Variants in NIM1K observed in about 807,000 individuals in gnomAD.
NIM1K encodes the protein serine/threonine-protein kinase NIM1.
A neutral mutation model predicts 37.1 loss-of-function variants in NIM1K; 35 were observed. That is an observed-to-expected ratio of 0.94 (90% CI 0.72 to 1.25). The LOEUF (loss-of-function observed/expected upper bound fraction) is 1.25. Among genes scored for constraint, NIM1K ranks in the 50% most tolerant of loss-of-function variants. The pLI, the probability that NIM1K is intolerant of heterozygous loss-of-function variation, is 0.00. For missense variants in NIM1K, 564 were observed against 548.0 expected (o/e 1.03, Z -0.29); for synonymous variants, 234 against 206.6 (o/e 1.13, Z -1.14).
rs561957013 is a variant in NIM1K at position 43,227,098 on chromosome 5, T to C, written c.-694-17984T>C. Among the ~76,000 whole-genome samples the C allele has an allele frequency of 1.5e-4, 23 of 152,304 alleles. No individual in the cohort carries two copies. The South Asian group carries it at 4.1e-3, about 27-fold the overall frequency. ...TTGGTTCACCGGGCGCAGTGGCTCA[T>C]GCCTGTAATCCCAGCACTTTGAGAG... On this transcript the variant is annotated intron_variant, in intron 1 of 3. Transcript: ENST00000326035.
intron 2 of NIM1K, among the ~76,000 whole-genome samples, chr5:43,269,830 G>A (rs975689144): frequency 1.6e-4 from 25 of 152,120 alleles, no homozygotes; most frequent in Admixed American, 3.9e-4. Flanking sequence ...ATGTTAGCCA[G>A]GATGGTCTCG....
chr5:43,213,165 T>TTTTCTTTC (rs70994607), intron 1 of NIM1K, among the ~76,000 whole-genome samples: 1,583 of 38,846 alleles, frequency 0.041, 22 homozygotes, highest in East Asian at 0.061. Flanking sequence ...TTCTTTCTTT[T>TTTTCTTTC]TTTCTTTCTT....
chr5:43,232,550 C>A, intron 1 of NIM1K: 1 of 1,580,628 alleles, frequency 6.3e-7, no homozygotes, highest in Non-Finnish European at 8.6e-7. Flanking sequence ...TCATAAGTGG[C>A]CTCATTGTCT....
intron 1 of NIM1K, chr5:43,225,932 T>C (rs1311241056): frequency 6.6e-6 from 1 of 152,226 alleles, no homozygotes; most frequent in African/African-American, 2.4e-5. Flanking sequence ...CTGCAGGTGT[T>C]GGAAGTACAA....
chr5:43,271,175 A>C (rs1753251207), intron 2 of NIM1K, among the ~76,000 whole-genome samples: 1 of 152,014 alleles, frequency 6.6e-6, no homozygotes, highest in African/African-American at 2.4e-5. Flanking sequence ...AAAAATAATA[A>C]TAGCATGCTT....
intron 1 of NIM1K, among the ~76,000 whole-genome samples, chr5:43,233,672 C>T (rs946645475): frequency 4.6e-5 from 7 of 152,220 alleles, no homozygotes; most frequent in East Asian, 1.9e-4. Flanking sequence ...TTAGTGAGCA[C>T]GCTACATTAG....
intron 2 of NIM1K, among the ~76,000 whole-genome samples, chr5:43,274,475 C>T (rs1339209438): frequency 6.6e-6 from 1 of 152,196 alleles, no homozygotes; most frequent in African/African-American, 2.4e-5. Flanking sequence ...GCCCTTAAAA[C>T]AACAGCTTAC....
intron 1 of NIM1K, chr5:43,232,314 A>G (rs1042494957): frequency 4.0e-6 from 5 of 1,242,078 alleles, no homozygotes; most frequent in African/African-American, 1.5e-5. Flanking sequence ...TCTGCTACAG[A>G]AAGCTGTTTC....
chr5:43,237,611 G>A (rs1412743922), intron 1 of NIM1K, among the ~76,000 whole-genome samples: 1 of 152,156 alleles, frequency 6.6e-6, no homozygotes, highest in Non-Finnish European at 1.5e-5. Flanking sequence ...CTACTAGAAA[G>A]TAGTCAAAAA....
chr5:43,236,046 G>A (rs1266872172), intron 1 of NIM1K, among the ~76,000 whole-genome samples: 2 of 152,130 alleles, frequency 1.3e-5, no homozygotes, highest in Non-Finnish European at 2.9e-5. Context: ...AGGCCAAGGA[G>A]GGTGGATTAC....
At chr5:43,209,580 A>G (rs1189166618) in intron 1 of NIM1K, among the ~76,000 whole-genome samples, 3 of 151,830 alleles carry the variant, frequency 2.0e-5, no homozygotes, top group South Asian at 4.2e-4. Flanking sequence ...ATCTTCTGGT[A>G]TCCATGCTAC....
rs184821073 is a variant in NIM1K, at chr5:43,250,885, T to C, written c.292+4818T>C. 3.8e-3 allele frequency among the ~76,000 whole-genome samples: 576 copies of C among 152,310 alleles called. 1 individual carries two copies. Among genetic ancestry groups the C allele is most frequent in the Middle Eastern group, 0.034 (10 of 294 alleles). ...ATAGAAAGGAAGCAGGATGGGACAGTAGGAAAAGCGTGGACTTGGGGACCA... is the reference window on the plus strand; with the variant it reads ...ATAGAAAGGAAGCAGGATGGGACAGCAGGAAAAGCGTGGACTTGGGGACCA... On this transcript the variant is annotated intron_variant, in intron 2 of 3. Coordinates refer to ENST00000326035, the MANE Select transcript of NIM1K (RefSeq NM_153361.4).
intron 2 of NIM1K, among the ~76,000 whole-genome samples, chr5:43,253,067 T>C (rs1037020751): frequency 2.0e-5 from 3 of 149,084 alleles, no homozygotes; most frequent in Non-Finnish European, 4.4e-5. Context: ...TGCCTTGGAC[T>C]CCTGGGCTCA....
intron 2 of NIM1K, among the ~76,000 whole-genome samples, chr5:43,268,575 T>A (rs556772691): frequency 3.7e-4 from 57 of 152,048 alleles, no homozygotes; most frequent in Non-Finnish European, 7.8e-4. Context: ...TGAAAAGATA[T>A]CTCAAAAGGC....
At chr5:43,234,931 G>A (rs905993737) in intron 1 of NIM1K, among the ~76,000 whole-genome samples, 3 of 152,070 alleles carry the variant, frequency 2.0e-5, no homozygotes, top group East Asian at 1.9e-4. Flanking sequence ...CACCATGCCC[G>A]GCCTATTTTA....
At chr5:43,212,152 C>T (rs1752212939) in intron 1 of NIM1K, among the ~76,000 whole-genome samples, 1 of 152,010 alleles carries the variant, frequency 6.6e-6, no homozygotes, top group South Asian at 2.1e-4. Context: ...CTGTGGGATC[C>T]CAGGATGGAA....
intron 1 of NIM1K, chr5:43,193,526 T>C (rs1262812133): frequency 1.3e-5 from 2 of 149,158 alleles, no homozygotes; most frequent in Non-Finnish European, 3.0e-5. Context: ...CTCTTACCCG[T>C]GCAGTTCTGA....
At chr5:43,238,174 C>A (rs1265115556) in intron 1 of NIM1K, among the ~76,000 whole-genome samples, 2 of 151,538 alleles carry the variant, frequency 1.3e-5, no homozygotes, top group East Asian at 3.9e-4. Flanking sequence ...TCCCTAGTAG[C>A]TGGAACTACA....
intron 1 of NIM1K, among the ~76,000 whole-genome samples, chr5:43,224,731 C>G (rs1421372620): frequency 6.8e-6 from 1 of 147,732 alleles, no homozygotes; most frequent in Non-Finnish European, 1.5e-5. Context: ...GCTTCTCGCT[C>G]TGTCACCCAG....
Sources: allele counts gnomAD v4.1 joint callset (sites outside exome capture counted in the v4.1 genomes callset), GRCh38; gene constraint gnomAD v4.1.1; transcripts MANE v1.5; gene names NCBI Gene and HGNC (gene_info 2026-07-23, HGNC 2026-07-21).